SPATA13: variants seen among roughly 807,000 people sequenced by gnomAD.
The protein encoded by SPATA13 is spermatogenesis associated 13, also known as spermatogenesis-associated protein 13.
Under a neutral mutation model 104.0 loss-of-function variants are expected in SPATA13, and 50 were observed. The ratio of observed to expected loss-of-function variants is 0.48; its 90% CI spans 0.38 to 0.61. The LOEUF (loss-of-function observed/expected upper bound fraction) is 0.61, where lower values mean the gene tolerates loss of function less well. Ranked by LOEUF, SPATA13 falls within the 20% of genes least tolerant of loss-of-function variation. The pLI, the probability that SPATA13 is intolerant of heterozygous loss-of-function variation, is 0.00. For missense variants in SPATA13, 1,524 were observed against 1,690.6 expected (o/e 0.90, Z 1.73); for synonymous variants, 606 against 667.5 (o/e 0.91, Z 1.42).
At chr13:24,291,756 A>T (rs5016965) in intron 9 of SPATA13, among the ~76,000 whole-genome samples, 107,676 of 136,398 alleles carry the variant, frequency 0.79, 40,242 homozygotes, top group East Asian at 0.91. Flanking sequence ...TTATTTTTTT[A>T]TTTTTTTTTT....
At position 24,302,941 on chromosome 13, in the gene SPATA13, C is replaced by A; in HGVS notation, c.*168C>A. The A allele has an allele frequency of 1.2e-6, 1 of 820,780 alleles. No individual in the cohort carries two copies. Among genetic ancestry groups the A allele is most frequent in the Non-Finnish European group, 1.9e-6 (1 of 524,324 alleles). 50.8% of individuals were successfully genotyped at this position (820,780 alleles called of 1,614,324 possible). A position where few individuals can be genotyped will look rare whatever the true frequency, so the allele number is the denominator to read the frequency against. ...GAATCACCTTCAGTCTTTGGAGACC[C>A]AGCTGCCTTTGTGGAAGGGAGGAGA... On this transcript the variant is annotated 3_prime_UTR_variant, in exon 13 of 13. Coordinates refer to ENST00000382108, the MANE Select transcript of SPATA13 (RefSeq NM_001166271.3).
rs550285586 is a variant in SPATA13, at chr13:24,304,845, G to A, written c.*2072G>A. ...TGGAGAGGTCCTGTGGCATGTGTGG[G>A]GGTGTGTGTGTGTATGTTTCCTTCT... is the stretch of plus-strand genomic sequence containing the variant. On this transcript the variant is annotated 3_prime_UTR_variant, in exon 13 of 13. Transcript: ENST00000382108. 1.3e-5 allele frequency: 2 copies of A among 152,316 alleles called. No individual in the cohort carries two copies. The highest frequency in any genetic ancestry group is 2.1e-4 in the South Asian group (1 of 4,822). The allele number at this position is 152,316 out of a possible 1,614,324, so 9.4% of individuals were successfully genotyped here.
At chr13:24,135,379 A>C (rs1462466216) in intron 3 of SPATA13, among the ~76,000 whole-genome samples, 1 of 152,042 alleles carries the variant, frequency 6.6e-6, no homozygotes, top group Admixed American at 6.5e-5. Flanking sequence ...AAAATTATAT[A>C]ATGTGCCTCA....
chr13:24,185,536 T>C (rs938469184), intron 1 of SPATA13, among the ~76,000 whole-genome samples: 8 of 152,212 alleles, frequency 5.3e-5, no homozygotes, highest in Admixed American at 1.3e-4. Flanking sequence ...TTTAAATCCA[T>C]TAATAGCCTT....
At chr13:24,246,632 G>T (rs1873151749) in intron 2 of SPATA13, among the ~76,000 whole-genome samples, 1 of 152,290 alleles carries the variant, frequency 6.6e-6, no homozygotes, top group African/African-American at 2.4e-5. Flanking sequence ...AGCTGCAGTG[G>T]GTGGATCATG....
chr13:24,277,460 AAAGAAG>A (rs56085171), intron 4 of SPATA13, among the ~76,000 whole-genome samples: 1 of 111,828 alleles, frequency 8.9e-6, no homozygotes. Flanking sequence ...AAAAAAAAAA[AAAGAAG>A]AAGTTCACCT....
At chr13:24,189,641 A>ATTTAT (rs1341925577) in intron 1 of SPATA13, among the ~76,000 whole-genome samples, 1 of 17,940 alleles carries the variant, frequency 5.6e-5, no homozygotes, top group Non-Finnish European at 2.1e-4. Flanking sequence ...ATATATATTT[A>ATTTAT]TATATATATT....
intron 1 of SPATA13, among the ~76,000 whole-genome samples, chr13:24,170,809 A>G (rs749740491): frequency 6.6e-6 from 1 of 152,110 alleles, no homozygotes; most frequent in Non-Finnish European, 1.5e-5. Context: ...ACCTGGAAGC[A>G]CCCTTTTAGT....
At chr13:24,074,797 A>C (rs1879275616) in intron 3 of SPATA13, among the ~76,000 whole-genome samples, 2 of 152,340 alleles carry the variant, frequency 1.3e-5, no homozygotes, top group African/African-American at 4.8e-5. Context: ...GCCAGCCAGA[A>C]TAGGTTTGGA....
intron 1 of SPATA13, among the ~76,000 whole-genome samples, chr13:24,212,050 C>T (rs1024165139): frequency 3.3e-5 from 5 of 152,132 alleles, no homozygotes; most frequent in Non-Finnish European, 7.3e-5. Flanking sequence ...CACTCAGACA[C>T]GAGGGACCAA....
chr13:24,028,599 A>G (rs1270730308), intron 3 of SPATA13, among the ~76,000 whole-genome samples: 2 of 152,128 alleles, frequency 1.3e-5, no homozygotes, highest in Non-Finnish European at 2.9e-5. Context: ...ATCTGGCATT[A>G]TATTCTTTAT....
chr13:23,993,532 C>T (rs1353820083), intron 2 of SPATA13, among the ~76,000 whole-genome samples: 1 of 152,192 alleles, frequency 6.6e-6, no homozygotes, highest in Non-Finnish European at 1.5e-5. Flanking sequence ...ATGTCAAATG[C>T]TTGATGCCAG....
In SPATA13 at chr13:24,297,494, C is replaced by T; in HGVS notation, c.3342C>T (p.Asp1114=). Residue 1114 remains aspartate, a synonymous_variant, in exon 11 of 13, where the codon GAC becomes GAT. Transcript: ENST00000382108. ...FDHQLVSCKK[D]LLRRDMLYYK... ...ACCAGCTGGTGTCCTGCAAGAAGGA[C>T]CTGCTGCGCAGGGACATGCTGTACT... The T allele has an allele frequency of 3.7e-6, 6 of 1,614,228 alleles. No homozygotes were observed. The highest frequency in any genetic ancestry group is 5.1e-6 in the Non-Finnish European group (6 of 1,180,042).
At chr13:24,112,713 C>T (rs1022817108) in intron 3 of SPATA13, among the ~76,000 whole-genome samples, 11 of 152,216 alleles carry the variant, frequency 7.2e-5, no homozygotes, top group Admixed American at 7.2e-4. Flanking sequence ...TCTACTTTCT[C>T]AGTCTTGATC....
chr13:24,138,392 A>G (rs1881644456), intron 3 of SPATA13, among the ~76,000 whole-genome samples: 1 of 152,006 alleles, frequency 6.6e-6, no homozygotes, highest in African/African-American at 2.4e-5. Context: ...TTCCTCCAGT[A>G]GGGGTTTAGT....
chr13:24,196,227 C>T (rs1209430170), intron 1 of SPATA13, among the ~76,000 whole-genome samples: 1 of 152,070 alleles, frequency 6.6e-6, no homozygotes, highest in Non-Finnish European at 1.5e-5. Context: ...AAGTAAAGCC[C>T]TCATAATGAT....
Position 24,222,843 on chromosome 13 carries a change from G to T in SPATA13, c.-87G>T, listed in dbSNP as rs923802575. On this transcript the variant is annotated 5_prime_UTR_variant, in exon 2 of 13. The change abolishes an upstream ATG in the 5' untranslated region. Coordinates refer to ENST00000382108, the MANE Select transcript of SPATA13 (RefSeq NM_001166271.3). ...GCCCGTGGCCACCCAGGAGCCCGAT[G>T]TGCAAGGCAGGTGTGAGTGCCAGGA... 1 of 1,530,002 alleles carries T rather than the reference G, an allele frequency of 6.5e-7. No homozygotes were observed. The highest frequency in any genetic ancestry group is 8.8e-7 in the Non-Finnish European group (1 of 1,133,652). The allele number at this position is 1,530,002 out of a possible 1,614,324, so 94.8% of individuals were successfully genotyped here. A position where few individuals can be genotyped will look rare whatever the true frequency, so the allele number is the denominator to read the frequency against.
chr13:24,087,798 G>A lies in SPATA13; in HGVS notation c.-112+70097G>A, dbSNP rs548011830. 7.9e-5 allele frequency among the ~76,000 whole-genome samples: 12 copies of A among 152,240 alleles called. No individual in the cohort carries two copies. The South Asian group carries it at 2.1e-3, about 26-fold the overall frequency. On this transcript the variant is annotated intron_variant, in intron 3 of 14. Transcript: ENST00000424834. Reference sequence around the variant, plus strand: ...GGAAGCCCGTGTTCTGGGTGGCCACGGGGCTCCTGCTCCTCCCCAGAGCTG... The same window carrying A: ...GGAAGCCCGTGTTCTGGGTGGCCACAGGGCTCCTGCTCCTCCCCAGAGCTG...
In SPATA13 at chr13:23,987,598, T is replaced by C. The variant is rs77045244; in HGVS notation, c.-147+3665T>C. ...CAATAAGAATTTGGTTATGCAATTA[T>C]GTGTTGACTAATTAGAAGGTAAAAG... On this transcript the variant is annotated intron_variant, in intron 2 of 14. Transcript: ENST00000424834. 3.4e-3 allele frequency among the ~76,000 whole-genome samples: 519 copies of C among 152,352 alleles called. 4 individuals are homozygous for C. Among genetic ancestry groups the C allele is most frequent in the Middle Eastern group, 0.024 (7 of 294 alleles).
Sources: gnomAD v4.1 joint callset for allele counts (sites outside exome capture counted in the v4.1 genomes callset) on GRCh38, gnomAD v4.1.1 for gene constraint, MANE v1.5 for transcripts, NCBI Gene and HGNC (gene_info 2026-07-23, HGNC 2026-07-21) for gene names.